The following LONP2 variants were observed in gnomAD, a reference collection of about 807,000 sequenced individuals.
The protein encoded by LONP2 is lon protease homolog 2, peroxisomal.
Under a neutral mutation model 85.6 loss-of-function variants are expected in LONP2, and 60 were observed. The ratio of observed to expected loss-of-function variants is 0.70; its 90% CI spans 0.57 to 0.87. The LOEUF is 0.87. LONP2 is among the 40% of genes least tolerant of loss of function. The pLI is 0.00. For missense variants in LONP2, 860 were observed against 1,063.5 expected (o/e 0.81, Z 2.66); for synonymous variants, 395 against 389.7 (o/e 1.01, Z -0.16).
intron 11 of LONP2, among the ~76,000 whole-genome samples, chr16:48,307,349 ACAGTTTTATTCTGCTTTT>A (rs1404664343): frequency 6.6e-6 from 1 of 152,194 alleles, no homozygotes; most frequent in African/African-American, 2.4e-5. Context: ...TTACATGACT[ACAGTTTTATTCTGCTTTT>A]TGCCTGCCTT....
chr16:48,348,370 C>G (rs183906218), intron 14 of LONP2, 80 bp downstream of exon 14: 61 of 928,920 alleles, frequency 6.6e-5, no homozygotes, highest in Admixed American at 5.2e-4. Flanking sequence ...TACGGGTTTG[C>G]CTTCTTTCTA....
intron 14 of LONP2, among the ~76,000 whole-genome samples, chr16:48,350,321 GA>G (rs60549271): frequency 0.2 from 30,037 of 151,422 alleles, 3,593 homozygotes; most frequent in African/African-American, 0.33. Context: ...CTGGGAGGCA[GA>G]AAGTTGCAGT....
rs764025395 is a variant in LONP2 at position 48,351,541 on chromosome 16, G to A, written c.2338-40G>A. 50 of 1,539,202 alleles carry A rather than the reference G, an allele frequency of 3.2e-5. No homozygotes were observed. In the South Asian group the frequency reaches 5.5e-4, roughly 17 times the overall value. On this transcript the variant is annotated intron_variant, in intron 14 of 14. Coordinates refer to ENST00000285737, the MANE Select transcript of LONP2 (RefSeq NM_031490.5). ...GGGTCAGGGTTTCTTTCAGCTTGAGGGTGATCATTAACCCTAAAAACTTTT... is the reference window on the plus strand; with the variant it reads ...GGGTCAGGGTTTCTTTCAGCTTGAGAGTGATCATTAACCCTAAAAACTTTT...
chr16:48,293,072 A>G (rs999819675), intron 8 of LONP2, among the ~76,000 whole-genome samples: 1 of 152,210 alleles, frequency 6.6e-6, no homozygotes, highest in Non-Finnish European at 1.5e-5. Context: ...TTCAAGTCTG[A>G]CAGCCATTTC....
In LONP2 at chr16:48,354,196, C is replaced by CTTTTTTTTTTTTTTTT. The variant is rs1159788312; in HGVS notation, c.*2408_*2423dup. 1.3e-4 allele frequency: 6 copies of CTTTTTTTTTTTTTTTT among 46,186 alleles called. 3 individuals are homozygous for CTTTTTTTTTTTTTTTT. The highest frequency in any genetic ancestry group is 5.7e-4 in the African/African-American group (6 of 10,542). 2.9% of individuals were successfully genotyped at this position (46,186 alleles called of 1,614,324 possible). ...GATCTAAGCATGTCCACTCTACACGCTTTTTTTTTTTTTTTTTTTTTTTTT... is the reference window on the plus strand; with the variant it reads ...GATCTAAGCATGTCCACTCTACACGCTTTTTTTTTTTTTTTTTTTTTTTTTTTTTTTTTTTTTTTTT... On this transcript the variant is annotated 3_prime_UTR_variant, in exon 15 of 15. Transcript: ENST00000285737.
At chr16:48,270,710 T>C (rs1972085421) in intron 7 of LONP2, among the ~76,000 whole-genome samples, 2 of 152,176 alleles carry the variant, frequency 1.3e-5, no homozygotes, top group South Asian at 4.1e-4. Flanking sequence ...CAGTCTAAAC[T>C]TCCTCTTATG....
At chr16:48,340,635 G>A (rs567185906) in intron 12 of LONP2, among the ~76,000 whole-genome samples, 1 of 152,312 alleles carries the variant, frequency 6.6e-6, no homozygotes, top group Admixed American at 6.5e-5. Flanking sequence ...ATTGAAAAAT[G>A]ATGGATTAGT....
At chr16:48,299,293 G>A (rs550496309) in intron 9 of LONP2, among the ~76,000 whole-genome samples, 1 of 152,064 alleles carries the variant, frequency 6.6e-6, no homozygotes, top group Non-Finnish European at 1.5e-5. Flanking sequence ...CATTAAAAAA[G>A]CATGGCACTG....
intron 11 of LONP2, among the ~76,000 whole-genome samples, chr16:48,306,074 C>CT (rs1418839813): frequency 6.6e-6 from 1 of 152,130 alleles, no homozygotes; most frequent in East Asian, 1.9e-4. Flanking sequence ...TGAATTTCCC[C>CT]TTTTTATTCT....
At chr16:48,283,537 C>G (rs1486049957) in intron 8 of LONP2, among the ~76,000 whole-genome samples, 1 of 152,128 alleles carries the variant, frequency 6.6e-6, no homozygotes, top group African/African-American at 2.4e-5. Flanking sequence ...TGCCTTTGTT[C>G]TGTAAATGGA....
chr16:48,356,381 A>T lies in LONP2; in HGVS notation c.*4579A>T, dbSNP rs1175378620. The stretch of plus-strand genomic sequence containing the variant: ...TTTGCCAATTCCCTTTCCAAATCTA[A>T]AATTTATTTTAACCAGGATTTTAGA... On this transcript the variant is annotated 3_prime_UTR_variant, in exon 15 of 15. Transcript: ENST00000285737. 1 of 152,676 alleles carries T rather than the reference A, an allele frequency of 6.5e-6. No individual in the cohort carries two copies. The highest frequency in any genetic ancestry group is 2.4e-5 in the African/African-American group (1 of 41,434). The allele number at this position is 152,676 out of a possible 1,614,324, so 9.5% of individuals were successfully genotyped here.
intron 11 of LONP2, among the ~76,000 whole-genome samples, chr16:48,312,688 G>T (rs535055781): frequency 2.0e-5 from 3 of 152,148 alleles, no homozygotes; most frequent in African/African-American, 7.2e-5. Flanking sequence ...AGCAGAGGTC[G>T]TGCAAAACTT....
Position 48,244,515 on chromosome 16 carries a change from C to T in LONP2, c.127C>T (p.Arg43Trp). 3 of 1,589,268 alleles carry T rather than the reference C, an allele frequency of 1.9e-6. No homozygotes were observed. The highest frequency in any genetic ancestry group is 2.6e-6 in the Non-Finnish European group (3 of 1,172,066). The change falls in exon 1 of 15, where the codon CGG becomes TGG. Residue 43 changes from arginine to tryptophan, a missense_variant. By Grantham distance (101) the Arg-to-Trp change is moderately radical. Transcript: ENST00000285737. ...VDSARNLQLVRSRLLKGTSLQ... is the reference protein window; with the variant it reads ...VDSARNLQLVWSRLLKGTSLQ... ...CTCGGCCCGCAACCTGCAGCTGGTG[C>T]GGAGCCGCCTTCTGAAGGGCACGTC...
chr16:48,260,092 C>T (rs1294753442), intron 4 of LONP2, among the ~76,000 whole-genome samples: 2 of 152,076 alleles, frequency 1.3e-5, no homozygotes, highest in Non-Finnish European at 2.9e-5. Flanking sequence ...ACAATGAAAT[C>T]ACTGATATGC....
intron 3 of LONP2, among the ~76,000 whole-genome samples, chr16:48,256,942 G>A (rs957034646): frequency 2.6e-5 from 4 of 152,080 alleles, no homozygotes; most frequent in Admixed American, 6.6e-5. Flanking sequence ...TTATATTTTT[G>A]TTGACACAAG....
Position 48,351,869 on chromosome 16 carries a change from T to C in LONP2, c.*67T>C. On this transcript the variant is annotated 3_prime_UTR_variant, in exon 15 of 15. Transcript: ENST00000285737. ...TCAAAGGTACTGACACAGTTGATTTTATTCACACCATTAGGGGTATGCAAG... is the reference window on the plus strand; with the variant it reads ...TCAAAGGTACTGACACAGTTGATTTCATTCACACCATTAGGGGTATGCAAG... 7 of 1,273,722 alleles carry C rather than the reference T, an allele frequency of 5.5e-6. No individual in the cohort carries two copies. The highest frequency in any genetic ancestry group is 7.9e-6 in the Non-Finnish European group (7 of 883,598). 78.9% of individuals were successfully genotyped at this position (1,273,722 alleles called of 1,614,324 possible).
At chr16:48,326,215 A>G (rs982186511) in intron 11 of LONP2, among the ~76,000 whole-genome samples, 5 of 152,192 alleles carry the variant, frequency 3.3e-5, no homozygotes, top group Admixed American at 2.0e-4. Context: ...CAAAGACATG[A>G]TATTAGTATA....
downstream of LONP2, among the ~76,000 whole-genome samples, chr16:48,359,545 G>A (rs555642619): frequency 6.6e-6 from 1 of 152,052 alleles, no homozygotes; most frequent in Admixed American, 6.5e-5. Flanking sequence ...GTGAAACCCC[G>A]TCTCTACTAA....
Position 48,244,516 on chromosome 16 carries a change from G to C in LONP2, c.128G>C (p.Arg43Pro), listed in dbSNP as rs1039698220. ...VDSARNLQLV[R>P]SRLLKGTSLQ... Reference sequence around the variant, plus strand: ...TCGGCCCGCAACCTGCAGCTGGTGCGGAGCCGCCTTCTGAAGGGCACGTCG... The same window carrying C: ...TCGGCCCGCAACCTGCAGCTGGTGCCGAGCCGCCTTCTGAAGGGCACGTCG... The change falls in exon 1 of 15, where the codon CGG (arginine) becomes CCG (proline). Residue 43 changes from arginine to proline, a missense_variant. Coordinates refer to ENST00000285737, the MANE Select transcript of LONP2 (RefSeq NM_031490.5). 6.3e-7 allele frequency: 1 copy of C among 1,589,686 alleles called. No individual in the cohort carries two copies. The highest frequency in any genetic ancestry group is 1.3e-5 in the African/African-American group (1 of 74,162).
Sources: allele counts gnomAD v4.1 joint callset (sites outside exome capture counted in the v4.1 genomes callset), GRCh38; gene constraint gnomAD v4.1.1; transcripts MANE v1.5; gene names NCBI Gene and HGNC (gene_info 2026-07-23, HGNC 2026-07-21).